Variants in CLSTN2 observed in about 807,000 individuals in gnomAD.
CLSTN2 encodes calsyntenin 2, also known as calsyntenin-2.
Under a neutral mutation model 101.2 loss-of-function variants are expected in CLSTN2, and 48 were observed. That is an observed-to-expected ratio of 0.47 (90% CI 0.38 to 0.60). The LOEUF (loss-of-function observed/expected upper bound fraction) is 0.60. CLSTN2 is among the 20% of genes least tolerant of loss of function. The pLI is 0.00. For synonymous variants in CLSTN2, 481 were observed against 463.6 expected, an observed-to-expected ratio of 1.04 and a Z score of -0.48; for missense variants, 1,160 against 1,238.2, an observed-to-expected ratio of 0.94 and a Z score of 0.95.
intron 1 of CLSTN2, among the ~76,000 whole-genome samples, chr3:140,164,754 C>T (rs897340528): frequency 1.3e-5 from 2 of 152,080 alleles, no homozygotes; most frequent in Non-Finnish European, 2.9e-5. Context: ...GATGTCACTA[C>T]CCAAAAGGAT....
intron 1 of CLSTN2, among the ~76,000 whole-genome samples, chr3:140,076,994 A>G (rs1264023388): frequency 6.6e-6 from 1 of 152,150 alleles, no homozygotes; most frequent in East Asian, 1.9e-4. Context: ...TGTCTTCTCT[A>G]CTATGGCTCC....
At chr3:140,122,177 T>C (rs1048813784) in intron 1 of CLSTN2, among the ~76,000 whole-genome samples, 6 of 152,216 alleles carry the variant, frequency 3.9e-5, no homozygotes, top group African/African-American at 1.4e-4. Flanking sequence ...TGACTACAAT[T>C]ATGGCTTCCA....
intron 2 of CLSTN2, among the ~76,000 whole-genome samples, chr3:140,224,775 C>A (rs942921208): frequency 3.3e-5 from 5 of 152,154 alleles, no homozygotes; most frequent in Non-Finnish European, 7.3e-5. Flanking sequence ...CACCATTCCC[C>A]AAACTTATGT....
At chr3:140,402,754 G>A (rs2107977891) in intron 2 of CLSTN2, among the ~76,000 whole-genome samples, 1 of 152,310 alleles carries the variant, frequency 6.6e-6, no homozygotes, top group Admixed American at 6.5e-5. Context: ...CACCATCTCT[G>A]GGACCATCTT....
At chr3:140,242,397 G>T (rs2086477984) in intron 2 of CLSTN2, among the ~76,000 whole-genome samples, 1 of 152,050 alleles carries the variant, frequency 6.6e-6, no homozygotes, top group Admixed American at 6.6e-5. Context: ...ATATAATATT[G>T]GAAAAGGTGG....
At chr3:140,232,621 G>A (rs2086380473) in intron 2 of CLSTN2, among the ~76,000 whole-genome samples, 1 of 152,108 alleles carries the variant, frequency 6.6e-6, no homozygotes, top group Admixed American at 6.6e-5. Context: ...CACTCAGCAT[G>A]TTTACTGGCC....
At position 139,992,275 on chromosome 3, in the gene CLSTN2, G is replaced by A. The variant is rs118052948; in HGVS notation, c.109+56792G>A. On this transcript the variant is annotated intron_variant, in intron 1 of 16. Transcript: ENST00000458420. ...GTAAATGAAAAATTGAGGATCGCTC[G>A]TGCAATGACTCTTAGAGGGAGAAGA... 9.2e-5 allele frequency among the ~76,000 whole-genome samples: 14 copies of A among 152,288 alleles called. No homozygotes were observed. The East Asian group carries it at 1.9e-3, about 21-fold the overall frequency.
At chr3:140,093,836 T>C (rs984114389) in intron 1 of CLSTN2, among the ~76,000 whole-genome samples, 14 of 152,208 alleles carry the variant, frequency 9.2e-5, no homozygotes, top group Non-Finnish European at 1.6e-4. Flanking sequence ...TTACAAGTAG[T>C]AGTATCTTAA....
chr3:140,157,745 T>C (rs959932344), intron 1 of CLSTN2, among the ~76,000 whole-genome samples: 3 of 152,236 alleles, frequency 2.0e-5, no homozygotes, highest in African/African-American at 7.2e-5. Flanking sequence ...AGTTCTGCTC[T>C]AATTTAGTTA....
chr3:140,441,942 C>T (rs536509359), intron 5 of CLSTN2, among the ~76,000 whole-genome samples: 41 of 152,250 alleles, frequency 2.7e-4, no homozygotes, highest in African/African-American at 9.1e-4. Context: ...CACTCAGAAG[C>T]GGAAGTACTA....
In CLSTN2 at chr3:140,191,628, G is replaced by A. The variant is rs375371840; in HGVS notation, c.232+15555G>A. Among the ~76,000 whole-genome samples the A allele has an allele frequency of 3.9e-5, 6 of 151,934 alleles. No homozygotes were observed. In the East Asian group the frequency reaches 9.7e-4, roughly 24 times the overall value. ...TTATATTGGATGGGTTGTAGTTTCTGTTTTTCAAAGAATTGGTCCATTTTG... is the reference window on the plus strand; with the variant it reads ...TTATATTGGATGGGTTGTAGTTTCTATTTTTCAAAGAATTGGTCCATTTTG... On this transcript the variant is annotated intron_variant, in intron 2 of 16. Transcript: ENST00000458420.
At chr3:140,044,858 C>A (rs912145745) in intron 1 of CLSTN2, among the ~76,000 whole-genome samples, 2 of 152,158 alleles carry the variant, frequency 1.3e-5, no homozygotes, top group African/African-American at 2.4e-5. Flanking sequence ...GTTGAACCAG[C>A]CTTGCATCCC....
At chr3:140,551,280 G>A (rs1259295856) in intron 10 of CLSTN2, among the ~76,000 whole-genome samples, 2 of 152,094 alleles carry the variant, frequency 1.3e-5, no homozygotes, top group Non-Finnish European at 2.9e-5. Flanking sequence ...GCCCTTTTGT[G>A]ATTAAGGAAA....
intron 2 of CLSTN2, among the ~76,000 whole-genome samples, chr3:140,284,206 T>G (rs1164562015): frequency 6.6e-6 from 1 of 152,176 alleles, no homozygotes; most frequent in East Asian, 1.9e-4. Context: ...TTTATCAAAA[T>G]AAGAATTTCC....
chr3:140,316,668 T>A (rs1426505591), intron 2 of CLSTN2, among the ~76,000 whole-genome samples: 1 of 152,194 alleles, frequency 6.6e-6, no homozygotes, highest in East Asian at 1.9e-4. Context: ...TACAAGCAGG[T>A]GCTTGGTGAA....
At chr3:140,432,541 C>T (rs184142040) in intron 5 of CLSTN2, among the ~76,000 whole-genome samples, 20 of 152,256 alleles carry the variant, frequency 1.3e-4, no homozygotes, top group Admixed American at 5.2e-4. Context: ...GAGCTTCTGG[C>T]GGAGGGCCTC....
intron 2 of CLSTN2, among the ~76,000 whole-genome samples, chr3:140,316,885 A>T (rs1183705628): frequency 6.6e-6 from 1 of 152,218 alleles, no homozygotes; most frequent in African/African-American, 2.4e-5. Context: ...TATTAATCTC[A>T]TCAAACTACT....
At chr3:140,206,518 C>A (rs1011120077) in intron 2 of CLSTN2, among the ~76,000 whole-genome samples, 1 of 152,158 alleles carries the variant, frequency 6.6e-6, no homozygotes, top group South Asian at 2.1e-4. Flanking sequence ...TAATACCCAT[C>A]GGCTCTTATC....
At chr3:139,970,563 C>T (rs1935679150) in intron 1 of CLSTN2, among the ~76,000 whole-genome samples, 1 of 152,198 alleles carries the variant, frequency 6.6e-6, no homozygotes, top group African/African-American at 2.4e-5. Flanking sequence ...CTCCTCTGTG[C>T]CAGGCATCTG....
Sources: gnomAD v4.1 joint callset for allele counts (sites outside exome capture counted in the v4.1 genomes callset) on GRCh38, gnomAD v4.1.1 for gene constraint, MANE v1.5 for transcripts, NCBI Gene and HGNC (gene_info 2026-07-23, HGNC 2026-07-21) for gene names.